TBC1D5: variants seen among roughly 807,000 people sequenced by gnomAD.
TBC1D5 encodes TBC1 domain family member 5, also known as TBC1 domain family, member 5.
A neutral mutation model predicts 100.3 loss-of-function variants in TBC1D5; 75 were observed. The ratio of observed to expected loss-of-function variants is 0.75; its 90% CI spans 0.62 to 0.91. The LOEUF (loss-of-function observed/expected upper bound fraction) is 0.91. Ranked by LOEUF, TBC1D5 falls within the 40% of genes least tolerant of loss-of-function variation. The pLI is 0.00. For synonymous variants in TBC1D5, 323 were observed against 325.6 expected, an observed-to-expected ratio of 0.99 and a Z score of 0.09; for missense variants, 910 against 942.4, an observed-to-expected ratio of 0.97 and a Z score of 0.45.
Position 17,704,776 on chromosome 3 carries a change from G to A in TBC1D5, c.-101+34567C>T, listed in dbSNP as rs866149415. ...CCTCACTTCCCAGTAGGGGCGGCCG[G>A]GCAGAGGCGCCCCTCACCTCCCAGA... On this transcript the variant is annotated intron_variant, in intron 1 of 21. Coordinates refer to ENST00000253692, the Ensembl canonical transcript of TBC1D5. 2.9e-3 allele frequency among the ~76,000 whole-genome samples: 208 copies of A among 72,004 alleles called. 2 individuals carry two copies. Among genetic ancestry groups the A allele is most frequent in the African/African-American group, 0.011 (188 of 16,758 alleles). 47.2% of individuals were successfully genotyped at this position (72,004 alleles called of 152,430 possible).
At chr3:17,568,234 A>G (rs1458133942) in intron 2 of TBC1D5, among the ~76,000 whole-genome samples, 1 of 151,504 alleles carries the variant, frequency 6.6e-6, no homozygotes, top group Non-Finnish European at 1.5e-5. Flanking sequence ...ACCAATTTAT[A>G]TTTAGTAAAT....
intron 17 of TBC1D5, among the ~76,000 whole-genome samples, chr3:17,216,556 G>T (rs2073659169): frequency 6.6e-6 from 1 of 152,068 alleles, no homozygotes; most frequent in South Asian, 2.1e-4. Flanking sequence ...GGACCCCTGA[G>T]GTTAGGAAAG....
chr3:17,654,360 A>C (rs576034862), intron 1 of TBC1D5, among the ~76,000 whole-genome samples: 3 of 152,188 alleles, frequency 2.0e-5, no homozygotes, highest in Non-Finnish European at 4.4e-5. Flanking sequence ...TAATTAACAA[A>C]TCAGTTTGTG....
At chr3:17,478,498 G>A (rs1214810051) in intron 3 of TBC1D5, among the ~76,000 whole-genome samples, 3 of 152,038 alleles carry the variant, frequency 2.0e-5, no homozygotes, top group Non-Finnish European at 4.4e-5. Context: ...TTTTATAGTT[G>A]TCAGTGTACT....
intron 13 of TBC1D5, among the ~76,000 whole-genome samples, chr3:17,327,560 G>C (rs2086301351): frequency 6.6e-6 from 1 of 152,010 alleles, no homozygotes; most frequent in Non-Finnish European, 1.5e-5. Flanking sequence ...CATCTGCTTG[G>C]AGGTTTTCTC....
At chr3:17,654,393 G>A (rs1469255453) in intron 1 of TBC1D5, among the ~76,000 whole-genome samples, 1 of 152,174 alleles carries the variant, frequency 6.6e-6, no homozygotes, top group South Asian at 2.1e-4. Flanking sequence ...GTTCTTAGTT[G>A]CCATGCCATT....
intron 3 of TBC1D5, among the ~76,000 whole-genome samples, chr3:17,467,911 T>TC (rs2095327368): frequency 6.6e-6 from 1 of 151,974 alleles, no homozygotes; most frequent in African/African-American, 2.4e-5. Flanking sequence ...CAACTCCCCT[T>TC]CCCCCAAATA....
chr3:17,736,970 G>A (rs1308084366), intron 1 of TBC1D5, among the ~76,000 whole-genome samples: 5 of 151,848 alleles, frequency 3.3e-5, no homozygotes, highest in Admixed American at 6.6e-5. Flanking sequence ...TAGAGATCGC[G>A]CCACTGCACT....
chr3:17,707,908 A>G lies in TBC1D5; in HGVS notation c.-101+31435T>C, dbSNP rs573699171. On this transcript the variant is annotated intron_variant, in intron 1 of 21. Transcript: ENST00000253692. Reference sequence around the variant, plus strand: ...GTTGTTGAGAAATTTTCAACTCTAAAAAAGGTAATATTACAAACATCTGTG... The same window carrying G: ...GTTGTTGAGAAATTTTCAACTCTAAGAAAGGTAATATTACAAACATCTGTG... Among the ~76,000 whole-genome samples the G allele has an allele frequency of 5.9e-5, 9 of 152,352 alleles. No homozygotes were observed. The South Asian group carries it at 1.9e-3, about 32-fold the overall frequency.
chr3:17,646,787 T>A (rs186745925), intron 1 of TBC1D5, among the ~76,000 whole-genome samples: 21 of 152,266 alleles, frequency 1.4e-4, no homozygotes, highest in Non-Finnish European at 2.2e-4. Context: ...GATTTTTTTT[T>A]AAATTTTAGA....
At chr3:17,684,027 T>C (rs1252127304) in intron 1 of TBC1D5, among the ~76,000 whole-genome samples, 3 of 152,090 alleles carry the variant, frequency 2.0e-5, no homozygotes, top group Non-Finnish European at 2.9e-5. Flanking sequence ...CCCAAATATA[T>C]GTTAATAATA....
At chr3:17,553,937 G>A (rs928455377) in intron 2 of TBC1D5, among the ~76,000 whole-genome samples, 3 of 152,126 alleles carry the variant, frequency 2.0e-5, no homozygotes, top group Non-Finnish European at 4.4e-5. Context: ...ATGGACAAGT[G>A]CTCCTTCCTT....
intron 13 of TBC1D5, among the ~76,000 whole-genome samples, chr3:17,356,501 T>C (rs1239150990): frequency 6.6e-6 from 1 of 152,216 alleles, no homozygotes; most frequent in African/African-American, 2.4e-5. Flanking sequence ...AATATCTGCT[T>C]ACTCAATAAT....
At chr3:17,302,631 AT>A (rs2082975759) in intron 14 of TBC1D5, among the ~76,000 whole-genome samples, 1 of 152,196 alleles carries the variant, frequency 6.6e-6, no homozygotes, top group Admixed American at 6.5e-5. Context: ...AGAGAAAGGC[AT>A]ACCTACACAA....
At chr3:17,398,081 A>G (rs1406626069) in intron 8 of TBC1D5, among the ~76,000 whole-genome samples, 2 of 152,128 alleles carry the variant, frequency 1.3e-5, no homozygotes, top group Non-Finnish European at 2.9e-5. Context: ...TGAACTCACT[A>G]TTTCCACCAT....
At chr3:17,222,489 T>C (rs943271908) in intron 17 of TBC1D5, among the ~76,000 whole-genome samples, 17 of 152,174 alleles carry the variant, frequency 1.1e-4, no homozygotes, top group African/African-American at 3.9e-4. Context: ...CCATTTTTTT[T>C]CTTCCCATTT....
At chr3:17,635,759 C>G (rs1254878604) in intron 1 of TBC1D5, among the ~76,000 whole-genome samples, 1 of 152,142 alleles carries the variant, frequency 6.6e-6, no homozygotes, top group African/African-American at 2.4e-5. Flanking sequence ...GTGCAGGCTT[C>G]TGTTCTAACT....
At chr3:17,473,225 A>T (rs1372279983) in intron 3 of TBC1D5, among the ~76,000 whole-genome samples, 2 of 152,208 alleles carry the variant, frequency 1.3e-5, no homozygotes, top group Non-Finnish European at 2.9e-5. Context: ...AGCCTGGGCA[A>T]CATAGCGAGA....
At chr3:17,551,749 A>G (rs931961831) in intron 2 of TBC1D5, among the ~76,000 whole-genome samples, 1 of 152,146 alleles carries the variant, frequency 6.6e-6, no homozygotes, top group African/African-American at 2.4e-5. Context: ...CTGAACACAG[A>G]TGTTGAAAAC....
Sources: allele counts gnomAD v4.1 joint callset (sites outside exome capture counted in the v4.1 genomes callset), GRCh38; gene constraint gnomAD v4.1.1; transcripts MANE v1.5; gene names NCBI Gene and HGNC (gene_info 2026-07-23, HGNC 2026-07-21).